Variants in LOC400499 observed in about 807,000 individuals in gnomAD.
At chr16:11,522,501 T>C in the LOC400499 span, among the ~76,000 whole-genome samples, 1 of 152,128 alleles carries the variant, frequency 6.6e-6, no homozygotes, top group Non-Finnish European at 1.5e-5. Flanking sequence ...AGCCCAGTTG[T>C]GACAACCAAA....
At chr16:11,373,043 C>G in the LOC400499 span, among the ~76,000 whole-genome samples, 1 of 152,198 alleles carries the variant, frequency 6.6e-6, no homozygotes, top group Non-Finnish European at 1.5e-5. Context: ...CCAGCACCCT[C>G]GACACAGAGA....
At chr16:11,391,446 T>C in the LOC400499 span, among the ~76,000 whole-genome samples, 1 of 152,002 alleles carries the variant, frequency 6.6e-6, no homozygotes, top group Non-Finnish European at 1.5e-5. Flanking sequence ...GCTTGGAGAC[T>C]CTGTAAAAAT....
At chr16:11,477,256 G>A in the LOC400499 span, among the ~76,000 whole-genome samples, 5 of 152,262 alleles carry the variant, frequency 3.3e-5, no homozygotes, top group East Asian at 5.8e-4. Flanking sequence ...CTTCACGCCA[G>A]AGAGCACCCA....
chr16:11,410,470 TTAAA>T, the LOC400499 span, among the ~76,000 whole-genome samples: 44 of 152,096 alleles, frequency 2.9e-4, 1 homozygote, highest in African/African-American at 9.2e-4. Context: ...AATTTAAAAA[TTAAA>T]TAAATAAATA....
chr16:11,426,163 C>T, the LOC400499 span, among the ~76,000 whole-genome samples: 30 of 152,326 alleles, frequency 2.0e-4, no homozygotes, highest in African/African-American at 2.9e-4. Context: ...TGGCCAGGCG[C>T]GGTGGCTCAC....
chr16:11,427,929 T>C, the LOC400499 span, among the ~76,000 whole-genome samples: 2 of 151,992 alleles, frequency 1.3e-5, no homozygotes, highest in Non-Finnish European at 2.9e-5. Context: ...AAAAACAGCA[T>C]AGATGGATGT....
chr16:11,521,500 G>C, the LOC400499 span, among the ~76,000 whole-genome samples: 2 of 152,176 alleles, frequency 1.3e-5, no homozygotes, highest in African/African-American at 4.8e-5. Flanking sequence ...ACCTGAGGCT[G>C]TGGACCCAAG....
At chr16:11,500,218 C>T in the LOC400499 span, among the ~76,000 whole-genome samples, 9 of 152,066 alleles carry the variant, frequency 5.9e-5, no homozygotes, top group African/African-American at 1.9e-4. Flanking sequence ...TTATAGAGAC[C>T]AGAAAACAGT....
the LOC400499 span, among the ~76,000 whole-genome samples, chr16:11,508,329 C>A: frequency 6.6e-6 from 1 of 152,208 alleles, no homozygotes; most frequent in Non-Finnish European, 1.5e-5. Flanking sequence ...TTGAAACAGC[C>A]AGGAGTTTCG....
chr16:11,443,756 A>AC, the LOC400499 span, among the ~76,000 whole-genome samples: 1 of 152,130 alleles, frequency 6.6e-6, no homozygotes, highest in Non-Finnish European at 1.5e-5. Flanking sequence ...AAGGACACAC[A>AC]GGCAAAAACA....
the LOC400499 span, among the ~76,000 whole-genome samples, chr16:11,483,462 T>C: frequency 6.6e-6 from 1 of 152,156 alleles, no homozygotes; most frequent in African/African-American, 2.4e-5. Context: ...TGGAATACCA[T>C]TAAGCAATAA....
chr16:11,399,612 G>A, the LOC400499 span: 3 of 398,832 alleles, frequency 7.5e-6, no homozygotes, highest in Middle Eastern at 6.3e-4. Context: ...TGATAGGGAA[G>A]AGAATAGGGT....
chr16:11,513,435 A>G, the LOC400499 span, among the ~76,000 whole-genome samples: 459 of 149,858 alleles, frequency 3.1e-3, 2 homozygotes, highest in African/African-American at 0.011. Context: ...AAATTTATTT[A>G]TTTATTTATT....
the LOC400499 span, among the ~76,000 whole-genome samples, chr16:11,459,224 T>A: frequency 8.4e-6 from 1 of 118,390 alleles, no homozygotes; most frequent in African/African-American, 3.4e-5. Context: ...TGAAAAGGAG[T>A]CTCGCTGTTT....
At chr16:11,420,603 C>G in the LOC400499 span, among the ~76,000 whole-genome samples, 3 of 85,726 alleles carry the variant, frequency 3.5e-5, no homozygotes, top group Non-Finnish European at 7.0e-5. Flanking sequence ...ATAAACCCCC[C>G]CCCCCGGAAA....
At chr16:11,417,745 T>C in the LOC400499 span, 2,451 of 399,110 alleles carry the variant, frequency 6.1e-3, 66 homozygotes, top group African/African-American at 0.045. Context: ...ATCATGGTAA[T>C]AGCAGCTCAC....
chr16:11,397,767 GA>G, the LOC400499 span, among the ~76,000 whole-genome samples: 1 of 32,446 alleles, frequency 3.1e-5, no homozygotes, highest in Non-Finnish European at 8.7e-5. Flanking sequence ...TGGAGGGAGG[GA>G]GGGATGGAGG....
chr16:11,435,122 G>A, the LOC400499 span, among the ~76,000 whole-genome samples: 3 of 151,794 alleles, frequency 2.0e-5, no homozygotes, highest in East Asian at 5.8e-4. Context: ...TGGGACTACA[G>A]GTGCATGCCA....
the LOC400499 span, among the ~76,000 whole-genome samples, chr16:11,520,019 T>C: frequency 1.3e-5 from 2 of 152,006 alleles, no homozygotes; most frequent in African/African-American, 4.8e-5. Flanking sequence ...AGTCCACTTA[T>C]ATGAGGTACC....
Sources: allele counts gnomAD v4.1 joint callset (sites outside exome capture counted in the v4.1 genomes callset), GRCh38; gene constraint gnomAD v4.1.1; transcripts MANE v1.5.